The following GRK5 variants were observed in gnomAD, a reference collection of about 807,000 sequenced individuals.
GRK5 encodes g protein-coupled receptor kinase GRK5.
GRK5 carries 40 observed loss-of-function variants against 78.4 expected under a neutral mutation model. The ratio of observed to expected loss-of-function variants is 0.51; its 90% confidence interval spans 0.40 to 0.66. The LOEUF is 0.66. Among genes scored for constraint, GRK5 ranks in the 30% least tolerant of loss-of-function variants. The pLI, the probability that GRK5 is intolerant of heterozygous loss-of-function variation, is 0.00. For missense variants in GRK5, 598 were observed against 759.9 expected, an observed-to-expected ratio of 0.79 and a Z score of 2.50; for synonymous variants, 289 against 296.8, an observed-to-expected ratio of 0.97 and a Z score of 0.27.
At chr10:119,343,493 C>T (rs560239961) in intron 2 of GRK5, among the ~76,000 whole-genome samples, 2 of 152,364 alleles carry the variant, frequency 1.3e-5, no homozygotes, top group East Asian at 3.9e-4. Flanking sequence ...TGCTCACAGG[C>T]ACAGATCTCT....
In GRK5 at chr10:119,352,413, T is replaced by C. The variant is rs78994108; in HGVS notation, c.148+25802T>C. Among the ~76,000 whole-genome samples the C allele has an allele frequency of 6.0e-3, 917 of 152,332 alleles. 14 individuals carry two copies. Among genetic ancestry groups the C allele is most frequent in the African/African-American group, 0.021 (866 of 41,578 alleles). ...CTAACAAGTTATTCTTGCATCTCATTGGCTGGCCCTGGTTATTAGGGAGGC... is the reference window on the plus strand; with the variant it reads ...CTAACAAGTTATTCTTGCATCTCATCGGCTGGCCCTGGTTATTAGGGAGGC... On this transcript the variant is annotated intron_variant, in intron 2 of 15. Transcript: ENST00000392870.
intron 1 of GRK5, among the ~76,000 whole-genome samples, chr10:119,288,238 G>T (rs1306789670): frequency 6.6e-6 from 1 of 152,164 alleles, no homozygotes; most frequent in Non-Finnish European, 1.5e-5. Context: ...GTGGCTTACC[G>T]TCGACACACA....
chr10:119,453,272 G>T lies in GRK5; in HGVS notation c.1670G>T (p.Arg557Leu), dbSNP rs766184775. 2 of 1,613,954 alleles carry T rather than the reference G, an allele frequency of 1.2e-6. No homozygotes were observed. The highest frequency in any genetic ancestry group is 1.7e-5 in the Admixed American group (1 of 60,024). ...KKGLLQRLFK[R>L]QHQNNSKSSP... is the part of the protein sequence containing the mutation. ...GGGCTGCTCCAGAGACTCTTCAAGC[G>T]GCAGGTGAGACACCCATGCCTGGCC... The change falls in exon 15 of 16, where the codon CGG (arginine) becomes CTG (leucine). Residue 557 changes from arginine (R) to leucine (L), a missense_variant. Physicochemically the swap from Arg to Leu is moderately radical, Grantham distance 102 (BLOSUM62 -2). Coordinates refer to ENST00000392870, the MANE Select transcript of GRK5 (RefSeq NM_005308.3).
At chr10:119,425,696 G>A (rs546006591) in intron 6 of GRK5, among the ~76,000 whole-genome samples, 8 of 152,326 alleles carry the variant, frequency 5.3e-5, no homozygotes, top group South Asian at 4.1e-4. Flanking sequence ...TTCCTATCCC[G>A]TGAGTGAGCA....
At chr10:119,407,893 G>A (rs183228924) in intron 4 of GRK5, among the ~76,000 whole-genome samples, 569 of 152,304 alleles carry the variant, frequency 3.7e-3, no homozygotes, top group South Asian at 8.7e-3. Flanking sequence ...GCTGGGTGTG[G>A]TGGCTCACGC....
At chr10:119,425,818 CTGT>C (rs1298973592) in intron 6 of GRK5, among the ~76,000 whole-genome samples, 1 of 152,276 alleles carries the variant, frequency 6.6e-6, no homozygotes, top group African/African-American at 2.4e-5. Context: ...CCATGCGTGG[CTGT>C]GACTTGGGCA....
In GRK5 at chr10:119,217,232, GTC is replaced by G. The variant is rs1163355986; in HGVS notation, c.52+9266_52+9267del. 6.6e-6 allele frequency among the ~76,000 whole-genome samples: 1 copy of G among 152,188 alleles called. No individual in the cohort carries two copies. Among genetic ancestry groups the G allele is most frequent in the Non-Finnish European group, 1.5e-5 (1 of 68,024 alleles). On this transcript the variant is annotated intron_variant, in intron 1 of 15. Transcript: ENST00000392870. The surrounding 1 kb of genome is among the most constrained non-coding windows in gnomAD (Gnocchi z 4.1). The stretch of plus-strand genomic sequence containing the variant: ...GGGGCAAATTGGGAATATAATTTCT[GTC>G]TCAGACCGTGATTTCAGCTGAGGGC...
At chr10:119,365,386 C>A (rs958687699) in intron 2 of GRK5, among the ~76,000 whole-genome samples, 3 of 152,190 alleles carry the variant, frequency 2.0e-5, no homozygotes, top group Non-Finnish European at 2.9e-5. Context: ...GCAGAGACAG[C>A]CCTTGAAGAT....
At chr10:119,284,814 T>A (rs563468181) in intron 1 of GRK5, among the ~76,000 whole-genome samples, 26 of 152,220 alleles carry the variant, frequency 1.7e-4, no homozygotes, top group Admixed American at 7.2e-4. Flanking sequence ...GAGTGCTGGA[T>A]GCAAGGCTGC....
At chr10:119,258,815 G>C (rs1367332487) in intron 1 of GRK5, among the ~76,000 whole-genome samples, 1 of 152,192 alleles carries the variant, frequency 6.6e-6, no homozygotes, top group Non-Finnish European at 1.5e-5. Flanking sequence ...TATGTCATCA[G>C]GCAGGAAGCC....
Position 119,453,290 on chromosome 10 carries a change from G to T in GRK5, c.1674+14G>T, listed in dbSNP as rs1853331987. 6.2e-7 allele frequency: 1 copy of T among 1,613,738 alleles called. No individual in the cohort carries two copies. The stretch of plus-strand genomic sequence containing the variant: ...TTCAAGCGGCAGGTGAGACACCCAT[G>T]CCTGGCCAGTCCTGGCATCAGCTCC... On this transcript the variant is annotated intron_variant, in intron 15 of 15. Coordinates refer to ENST00000392870, the MANE Select transcript of GRK5 (RefSeq NM_005308.3).
chr10:119,314,951 G>A (rs1173973537), intron 1 of GRK5, among the ~76,000 whole-genome samples: 1 of 152,226 alleles, frequency 6.6e-6, no homozygotes, highest in Non-Finnish European at 1.5e-5. Context: ...GAGAGCCATA[G>A]AGACAGAACG....
intron 6 of GRK5, among the ~76,000 whole-genome samples, chr10:119,425,933 C>T (rs893998004): frequency 2.0e-4 from 31 of 152,378 alleles, no homozygotes; most frequent in African/African-American, 7.2e-4. Context: ...CCTGAGCCCC[C>T]AGCGCAGTGC....
intron 2 of GRK5, chr10:119,334,429 A>G (rs1850840244): frequency 6.5e-6 from 1 of 153,100 alleles, no homozygotes; most frequent in African/African-American, 2.4e-5. Context: ...CCATGAGAGG[A>G]AGAAGGGGTT....
intron 1 of GRK5, among the ~76,000 whole-genome samples, chr10:119,235,910 T>TCCTC (rs1848916939): frequency 6.6e-6 from 1 of 152,188 alleles, no homozygotes; most frequent in East Asian, 1.9e-4. Context: ...AACCAAAGGC[T>TCCTC]AATGGAGGTT....
intron 2 of GRK5, among the ~76,000 whole-genome samples, chr10:119,360,390 T>G (rs961021001): frequency 2.6e-5 from 4 of 152,200 alleles, no homozygotes; most frequent in African/African-American, 9.6e-5. Context: ...AGTGGGTGGC[T>G]TCTCAGAGCT....
At position 119,430,370 on chromosome 10, in the gene GRK5, T is replaced by C. The variant is rs1214370907; in HGVS notation, c.534-5T>C. ...AGACCAGTGTGGGATTCTTCTTTCT[T>C]CCAGGCAACCGGTGACCAAAAACAC... is the stretch of plus-strand genomic sequence containing the variant. On this transcript the variant is annotated splice_region_variant and splice_polypyrimidine_tract_variant and intron_variant, in intron 6 of 15. Coordinates refer to ENST00000392870, the MANE Select transcript of GRK5 (RefSeq NM_005308.3). This position sits in a 1 kb window ranked among gnomAD's most constrained non-coding sequence, Gnocchi z 4.5. 6.2e-7 allele frequency: 1 copy of C among 1,613,502 alleles called. No homozygotes were observed. Among genetic ancestry groups the C allele is most frequent in the Admixed American group, 1.7e-5 (1 of 59,946 alleles).
rs376891786 is a variant in GRK5 at position 119,276,996 on chromosome 10, C to T, written c.53-49520C>T. On this transcript the variant is annotated intron_variant, in intron 1 of 15. Coordinates refer to ENST00000392870, the MANE Select transcript of GRK5 (RefSeq NM_005308.3). ...ATTGGCACATGAAGTTAATATATCC[C>T]TATATCCATGCATTGCCTTTGTGAT... Among the ~76,000 whole-genome samples the T allele has an allele frequency of 3.3e-5, 5 of 152,342 alleles. No homozygotes were observed. The East Asian group carries it at 9.6e-4, about 29-fold the overall frequency.
At chr10:119,282,467 G>GTT (rs1308878437) in intron 1 of GRK5, among the ~76,000 whole-genome samples, 1 of 152,166 alleles carries the variant, frequency 6.6e-6, no homozygotes, top group Non-Finnish European at 1.5e-5. Context: ...TGTTTTCCTT[G>GTT]TCTGTCTCCC....
Sources: allele counts gnomAD v4.1 joint callset (sites outside exome capture counted in the v4.1 genomes callset), GRCh38; gene constraint gnomAD v4.1.1; non-coding constraint Gnocchi (gnomAD v3.1); transcripts MANE v1.5; gene names NCBI Gene and HGNC (gene_info 2026-07-23, HGNC 2026-07-21).